ADRA1B: variants seen among roughly 807,000 people sequenced by gnomAD.
ADRA1B encodes alpha-1B adrenergic receptor.
ADRA1B carries 17 observed loss-of-function variants against 17.9 expected under a neutral mutation model. The ratio of observed to expected loss-of-function variants is 0.95; its 90% CI spans 0.65 to 1.42. ADRA1B has a LOEUF of 1.42. ADRA1B is among the 40% of genes most tolerant of loss of function. The pLI is 0.00. For missense variants in ADRA1B, 681 were observed against 722.1 expected (o/e 0.94, Z 0.65); for synonymous variants, 366 against 327.6 (o/e 1.12, Z -1.27).
chr5:159,933,625 G>C (rs1255181894), intron 1 of ADRA1B, among the ~76,000 whole-genome samples: 2 of 152,298 alleles, frequency 1.3e-5, no homozygotes, highest in East Asian at 3.9e-4. Context: ...CTGTTGGGAT[G>C]CAACACCCAT....
chr5:159,968,990 C>A (rs1352355864), intron 1 of ADRA1B, among the ~76,000 whole-genome samples: 1 of 152,238 alleles, frequency 6.6e-6, no homozygotes, highest in African/African-American at 2.4e-5. Context: ...CAACTCCCCA[C>A]ATCAGGGAAT....
Position 159,947,708 on chromosome 5 carries a change from G to T in ADRA1B, c.950-24171G>T, listed in dbSNP as rs17057299. ...TTTCCAGAAAGCAAAGGCTCTTTAA[G>T]CTTGAAGACGTTGAATGCTTGCTGT... On this transcript the variant is annotated intron_variant, in intron 1 of 1. Transcript: ENST00000306675. The T allele has an allele frequency of 0.022, 21,268 of 985,322 alleles. 538 individuals are homozygous for T. In the East Asian group the frequency reaches 0.23, roughly 11 times the overall value. 61.0% of individuals were successfully genotyped at this position (985,322 alleles called of 1,614,324 possible).
chr5:159,972,405 C>T lies in ADRA1B; in HGVS notation c.1476C>T (p.Ser492=), dbSNP rs1234009161. The T allele has an allele frequency of 2.0e-6, 3 of 1,510,952 alleles. No individual in the cohort carries two copies. Among genetic ancestry groups the T allele is most frequent in the Middle Eastern group, 2.2e-4 (1 of 4,582 alleles). The allele number at this position is 1,510,952 out of a possible 1,614,324, so 93.6% of individuals were successfully genotyped here. The change falls in exon 2 of 2, where the codon AGC becomes AGT. Residue 492 remains serine (S), a synonymous_variant. Transcript: ENST00000306675. The stretch of plus-strand genomic sequence containing the variant: ...GCCCCGGGACCGACGGCGGCGCCAG[C>T]AACGGAGGCTGCGAGGCCGCGGCCG... ...PESPGTDGGA[S]NGGCEAAADV... is the part of the protein sequence containing the mutation.
intron 1 of ADRA1B, chr5:159,871,370 A>C (rs1363530373): frequency 6.6e-6 from 1 of 152,194 alleles, no homozygotes; most frequent in Non-Finnish European, 1.5e-5. Flanking sequence ...CACAAACTCG[A>C]TGACTTAATG....
At chr5:159,891,837 C>T (rs947460163) in intron 1 of ADRA1B, among the ~76,000 whole-genome samples, 8 of 152,106 alleles carry the variant, frequency 5.3e-5, no homozygotes, top group Non-Finnish European at 7.4e-5. Context: ...AGGGGAGAGC[C>T]GCCTTAGGAT....
rs537647894 is a variant in ADRA1B, at chr5:159,895,833, C to T, written c.-255-20286C>T. ...AGGCGTGGTCCAATTTCAGTGCTCC[C>T]GGGCCAGGTGAGGTGGCTCATGCCT... is the stretch of plus-strand genomic sequence containing the variant. On this transcript the variant is annotated intron_variant, in intron 1 of 2. Transcript: ENST00000641205. 6.6e-5 allele frequency among the ~76,000 whole-genome samples: 10 copies of T among 152,328 alleles called. No homozygotes were observed. In the South Asian group the frequency reaches 1.9e-3, roughly 28 times the overall value.
the ADRA1B span, among the ~76,000 whole-genome samples, chr5:159,987,573 G>C: frequency 6.6e-6 from 1 of 152,244 alleles, no homozygotes; most frequent in Non-Finnish European, 1.5e-5. Flanking sequence ...GCGCCTAAGC[G>C]ACAGGAGTGC....
chr5:159,976,382 C>T (rs566437996), downstream of ADRA1B, among the ~76,000 whole-genome samples: 11 of 152,040 alleles, frequency 7.2e-5, no homozygotes, highest in South Asian at 1.7e-3. Flanking sequence ...TGGCTGGGTG[C>T]GGTGGCTCAC....
At chr5:159,905,904 T>C (rs1395539622) in intron 1 of ADRA1B, among the ~76,000 whole-genome samples, 1 of 151,782 alleles carries the variant, frequency 6.6e-6, no homozygotes, top group Non-Finnish European at 1.5e-5. Flanking sequence ...TCACCCAGAC[T>C]GGAGTGCAGA....
intron 1 of ADRA1B, among the ~76,000 whole-genome samples, chr5:159,941,830 G>A (rs72810105): frequency 0.052 from 7,907 of 151,916 alleles, 253 homozygotes; most frequent in East Asian, 0.13. Context: ...GTCCAAAATA[G>A]GCAAATGCAC....
At chr5:159,907,634 A>T (rs1329090421) in intron 1 of ADRA1B, among the ~76,000 whole-genome samples, 1 of 152,238 alleles carries the variant, frequency 6.6e-6, no homozygotes, top group Non-Finnish European at 1.5e-5. Context: ...TTTTAAGATT[A>T]TACAAAAATA....
chr5:159,876,211 T>A (rs1459406893), intron 1 of ADRA1B, among the ~76,000 whole-genome samples: 2 of 152,040 alleles, frequency 1.3e-5, no homozygotes, highest in African/African-American at 4.8e-5. Context: ...AACAAAACAA[T>A]AAGGACTTTT....
chr5:159,882,256 C>A (rs1238643852), intron 1 of ADRA1B, among the ~76,000 whole-genome samples: 1 of 152,124 alleles, frequency 6.6e-6, no homozygotes, highest in Non-Finnish European at 1.5e-5. Context: ...GTGCCTCAGA[C>A]CTTGAGGGTT....
chr5:159,906,682 T>C (rs1754165592), intron 1 of ADRA1B, among the ~76,000 whole-genome samples: 1 of 152,152 alleles, frequency 6.6e-6, no homozygotes, highest in Non-Finnish European at 1.5e-5. Context: ...TCCAGGCTCT[T>C]GATGGAGCAG....
intron 1 of ADRA1B, among the ~76,000 whole-genome samples, chr5:159,960,628 C>A (rs1755649666): frequency 6.6e-6 from 1 of 151,818 alleles, no homozygotes; most frequent in South Asian, 2.1e-4. Context: ...TCACTTGAAC[C>A]CAGCAATCAA....
chr5:159,927,037 T>A (rs1210365527), intron 1 of ADRA1B, among the ~76,000 whole-genome samples: 4 of 152,162 alleles, frequency 2.6e-5, no homozygotes, highest in Admixed American at 2.0e-4. Context: ...AATGCCAATC[T>A]GGGCCTGGTC....
At chr5:159,875,605 C>T (rs1753792772) in intron 1 of ADRA1B, among the ~76,000 whole-genome samples, 1 of 152,092 alleles carries the variant, frequency 6.6e-6, no homozygotes, top group African/African-American at 2.4e-5. Flanking sequence ...TAAAAATATC[C>T]AGCCACAGCT....
intron 1 of ADRA1B, among the ~76,000 whole-genome samples, chr5:159,896,452 T>C (rs1754041527): frequency 6.6e-6 from 1 of 152,242 alleles, no homozygotes; most frequent in African/African-American, 2.4e-5. Context: ...CTGAGACTGA[T>C]GGCACAACTA....
intron 1 of ADRA1B, among the ~76,000 whole-genome samples, chr5:159,879,525 A>T (rs759087183): frequency 1.3e-5 from 2 of 151,984 alleles, no homozygotes; most frequent in Admixed American, 6.6e-5. Context: ...TGCCTCTGTG[A>T]CTCATTCCAC....
Sources: gnomAD v4.1 joint callset for allele counts (sites outside exome capture counted in the v4.1 genomes callset) on GRCh38, gnomAD v4.1.1 for gene constraint, MANE v1.5 for transcripts, NCBI Gene and HGNC (gene_info 2026-07-23, HGNC 2026-07-21) for gene names.